Variants in CSF1 observed in about 807,000 individuals in gnomAD.
The protein encoded by CSF1 is colony stimulating factor 1.
Under a neutral mutation model 48.9 loss-of-function variants are expected in CSF1, and 9 were observed. That is an observed-to-expected ratio of 0.18 (90% CI 0.11 to 0.32). CSF1 has a LOEUF of 0.32. CSF1 is among the 10% of genes least tolerant of loss of function. CSF1 has a pLI of 1.00. For synonymous variants in CSF1, 305 were observed against 284.1 expected (o/e 1.07, Z -0.74); for missense variants, 672 against 697.9 (o/e 0.96, Z 0.42).
intron 4 of CSF1, among the ~76,000 whole-genome samples, chr1:109,921,430 G>GA (rs1647534772): frequency 6.6e-6 from 1 of 152,182 alleles, no homozygotes; most frequent in South Asian, 2.1e-4. Flanking sequence ...TCTTTTAGTT[G>GA]ATTCCTTGGG....
intron 2 of CSF1, among the ~76,000 whole-genome samples, chr1:109,914,601 C>T (rs1425291064): frequency 6.6e-6 from 1 of 152,262 alleles, no homozygotes; most frequent in Admixed American, 6.5e-5. Flanking sequence ...GACTGCCCTG[C>T]AGGCAGTGGA....
rs753257305 is a variant in CSF1, at chr1:109,914,326, C to T, written c.107C>T (p.Ser36Leu). The change falls in exon 2 of 9, where the codon TCG (serine) becomes TTG (leucine). Residue 36 changes from serine (S) to leucine (L), a missense_variant. Around this residue, in one of 3 missense-constraint regions of CSF1, gnomAD observed 53 missense variants for 45.5 expected, o/e 1.17. Transcript: ENST00000329608. The stretch of plus-strand genomic sequence containing the variant: ...AGCAGGAGTATCACCGAGGAGGTGT[C>T]GGAGTACTGTAGCCACATGATTGGG... ...LASRSITEEV[S>L]EYCSHMIGSG... 2.5e-6 allele frequency: 4 copies of T among 1,607,562 alleles called. No homozygotes were observed. Among genetic ancestry groups the T allele is most frequent in the South Asian group, 1.1e-5 (1 of 89,098 alleles).
chr1:109,912,470 G>A (rs1020011300), intron 1 of CSF1, among the ~76,000 whole-genome samples: 8 of 152,120 alleles, frequency 5.3e-5, no homozygotes, highest in African/African-American at 1.9e-4. Context: ...AAGCCAGAGT[G>A]TTAACCCCCC....
intron 5 of CSF1, chr1:109,922,273 T>A: frequency 3.1e-6 from 1 of 327,500 alleles, no homozygotes; most frequent in East Asian, 4.7e-5. Context: ...GATTAGGGAG[T>A]GGAAATGGGA....
At position 109,923,284 on chromosome 1, in the gene CSF1, G is replaced by C; in HGVS notation, c.663G>C (p.Leu221Phe). The change falls in exon 6 of 9, where the codon TTG (leucine) becomes TTC (phenylalanine). Residue 221 changes from leucine to phenylalanine, a missense_variant. Physicochemically the swap from Leu to Phe is conservative, Grantham distance 22. Transcript: ENST00000329608. ...LAPSMAPVAG[L>F]TWEDSEGTEG... is the part of the protein sequence containing the mutation. ...CCTCCATGGCCCCTGTGGCTGGCTT[G>C]ACCTGGGAGGACTCTGAGGGAACTG... The C allele has an allele frequency of 6.2e-7, 1 of 1,612,378 alleles. No individual in the cohort carries two copies. The highest frequency in any genetic ancestry group is 8.5e-7 in the Non-Finnish European group (1 of 1,179,188).
intron 2 of CSF1, 123 bp downstream of exon 2, chr1:109,914,504 G>A (rs1654817821): frequency 8.4e-7 from 1 of 1,194,070 alleles, no homozygotes; most frequent in Non-Finnish European, 1.1e-6. Context: ...GACATTGCTT[G>A]TGGTTCCCAC....
intron 1 of CSF1, 37 bp downstream of exon 1, chr1:109,911,099 T>C: frequency 3.0e-6 from 3 of 1,013,382 alleles, no homozygotes; most frequent in Non-Finnish European, 3.5e-6. Flanking sequence ...CGGGACGGGC[T>C]GGGGCGGGGG....
chr1:109,922,599 C>G (rs879671401), intron 5 of CSF1: 1 of 154,384 alleles, frequency 6.5e-6, no homozygotes, highest in African/African-American at 2.4e-5. Context: ...CTCCTACATT[C>G]AACCTTGCTT....
Position 109,920,055 on chromosome 1 carries a change from A to T in CSF1, c.397-1792A>T, listed in dbSNP as rs534615678. Reference sequence around the variant, plus strand: ...GACCCCCTTGGATATTCACTTGTAGACATGTGTGAATGCTGAGGGGCAGGC... The same window carrying T: ...GACCCCCTTGGATATTCACTTGTAGTCATGTGTGAATGCTGAGGGGCAGGC... On this transcript the variant is annotated intron_variant, in intron 4 of 8. Transcript: ENST00000329608. Among the ~76,000 whole-genome samples, 11 of 152,094 alleles carry T rather than the reference A, an allele frequency of 7.2e-5. No homozygotes were observed. In the East Asian group the frequency reaches 2.1e-3, roughly 29 times the overall value.
intron 4 of CSF1, among the ~76,000 whole-genome samples, chr1:109,921,268 TC>T (rs1243971120): frequency 6.6e-6 from 1 of 152,208 alleles, no homozygotes; most frequent in African/African-American, 2.4e-5. Flanking sequence ...CTTGCCACGC[TC>T]CTCCTAGATG....
intron 8 of CSF1, among the ~76,000 whole-genome samples, chr1:109,927,533 C>T (rs1272199237): frequency 6.6e-6 from 1 of 152,166 alleles, no homozygotes; most frequent in Non-Finnish European, 1.5e-5. Context: ...TCTTGGCCCT[C>T]TGTCCCACCC....
At chr1:109,914,481 T>C (rs1654816862) in intron 2 of CSF1, 100 bp downstream of exon 2, 4 of 1,406,450 alleles carry the variant, frequency 2.8e-6, no homozygotes, top group South Asian at 1.6e-5. Context: ...GGCAGGAAAA[T>C]AGGGCAGTGC....
At chr1:109,914,990 G>A (rs1043317832) in intron 2 of CSF1, among the ~76,000 whole-genome samples, 3 of 152,050 alleles carry the variant, frequency 2.0e-5, no homozygotes, top group African/African-American at 7.3e-5. Context: ...TGCTGTCATG[G>A]CTGCTGTCCT....
At chr1:109,922,192 CAT>C (rs878901328) in intron 5 of CSF1, 198 bp downstream of exon 5, 9 of 455,336 alleles carry the variant, frequency 2.0e-5, no homozygotes, top group South Asian at 5.7e-5. Context: ...TCTTTTCTGA[CAT>C]GTGTGTGCAT....
intron 1 of CSF1, among the ~76,000 whole-genome samples, chr1:109,912,921 A>G (rs1028108909): frequency 6.6e-6 from 1 of 150,868 alleles, no homozygotes; most frequent in South Asian, 2.1e-4. Context: ...GGATCCTCAC[A>G]GTCCCTGTGC....
intron 8 of CSF1, among the ~76,000 whole-genome samples, chr1:109,927,187 G>A (rs530397288): frequency 6.6e-6 from 1 of 152,378 alleles, no homozygotes; most frequent in Admixed American, 6.5e-5. Context: ...GGGTGACCCA[G>A]TCAAGTTTCC....
At position 109,921,915 on chromosome 1, in the gene CSF1, A is replaced by C. The variant is rs759668151; in HGVS notation, c.465A>C (p.Glu155Asp). 4.3e-6 allele frequency: 7 copies of C among 1,612,250 alleles called. No homozygotes were observed. The highest frequency in any genetic ancestry group is 5.9e-6 in the Non-Finnish European group (7 of 1,178,866). The stretch of plus-strand genomic sequence containing the variant: ...AGAAGGTCAAGAATGTCTTTAATGA[A>C]ACAAAGAATCTCCTTGACAAGGACT... ...LLEKVKNVFN[E>D]TKNLLDKDWN... Residue 155 changes from glutamate (E) to aspartate (D), a missense_variant, in exon 5 of 9, where the codon GAA becomes GAC. Physicochemically the swap from Glu to Asp is conservative, Grantham distance 45. Around this residue, in one of 3 missense-constraint regions of CSF1, gnomAD observed 591 missense variants for 593.6 expected, o/e 1.00. Transcript: ENST00000329608.
rs1389089900 is a variant in CSF1 at position 109,917,438 on chromosome 1, C to A, written c.371C>A (p.Thr124Asn). 6.2e-7 allele frequency: 1 copy of A among 1,614,052 alleles called. No homozygotes were observed. Among genetic ancestry groups the A allele is most frequent in the Non-Finnish European group, 8.5e-7 (1 of 1,180,034 alleles). The change falls in exon 4 of 9, where the codon ACC (threonine) becomes AAC (asparagine). Residue 124 changes from threonine (T) to asparagine (N), a missense_variant. Coordinates refer to ENST00000329608, the MANE Select transcript of CSF1 (RefSeq NM_000757.6). ...TCTTTGAGGCTGAAGAGCTGCTTCA[C>A]CAAGGATTATGAAGAGCATGACAAG... ...ELSLRLKSCF[T>N]KDYEEHDKAC...
chr1:109,925,765 G>A (rs1647818796), intron 8 of CSF1, among the ~76,000 whole-genome samples: 1 of 152,030 alleles, frequency 6.6e-6, no homozygotes, highest in Admixed American at 6.5e-5. Flanking sequence ...CACCCCAAAG[G>A]GACTGCCCCT....
Sources: allele counts gnomAD v4.1 joint callset (sites outside exome capture counted in the v4.1 genomes callset), GRCh38; gene constraint gnomAD v4.1.1; regional missense constraint gnomAD v4.1.1; transcripts MANE v1.5; gene names NCBI Gene and HGNC (gene_info 2026-07-23, HGNC 2026-07-21).